The following FGF14 variants were observed in gnomAD, a reference collection of about 807,000 sequenced individuals.
The protein encoded by FGF14 is fibroblast growth factor homologous factor 4.
In FGF14, 5 loss-of-function variants were observed where a neutral mutation model predicts 25.5. The ratio of observed to expected loss-of-function variants is 0.20; its 90% CI spans 0.10 to 0.41. FGF14 has a LOEUF of 0.41. Ranked by LOEUF, FGF14 falls within the 10% of genes least tolerant of loss-of-function variation. The probability of loss-of-function intolerance (pLI) is 1.00; values close to 1 mark genes in which losing one functional copy is unlikely to be tolerated. For missense variants in FGF14, 222 were observed against 320.1 expected, an observed-to-expected ratio of 0.69 and a Z score of 2.34; for synonymous variants, 138 against 118.3, an observed-to-expected ratio of 1.17 and a Z score of -1.08.
intron 1 of FGF14, among the ~76,000 whole-genome samples, chr13:102,208,650 G>T (rs1036056925): frequency 5.3e-5 from 8 of 152,046 alleles, no homozygotes; most frequent in Non-Finnish European, 8.8e-5. Flanking sequence ...TTTATGTTGA[G>T]GTATTTTAAA....
chr13:101,938,575 T>G (rs2035250729), intron 1 of FGF14, among the ~76,000 whole-genome samples: 1 of 152,182 alleles, frequency 6.6e-6, no homozygotes, highest in South Asian at 2.1e-4. Context: ...TTGTAGAAAA[T>G]TAGTATTTAT....
At chr13:102,044,180 C>CT (rs2041872028) in intron 1 of FGF14, among the ~76,000 whole-genome samples, 1 of 152,204 alleles carries the variant, frequency 6.6e-6, no homozygotes, top group African/African-American at 2.4e-5. Flanking sequence ...TGACTGGCCA[C>CT]TGACATCCCC....
intron 3 of FGF14, among the ~76,000 whole-genome samples, chr13:101,768,798 G>A (rs982493266): frequency 6.6e-6 from 1 of 152,186 alleles, no homozygotes; most frequent in Non-Finnish European, 1.5e-5. Flanking sequence ...TAGATCATAC[G>A]TCCTTCATAA....
Position 102,159,193 on chromosome 13 carries a change from T to C in FGF14, c.208+242278A>G, listed in dbSNP as rs916860737. Among the ~76,000 whole-genome samples the C allele has an allele frequency of 4.6e-5, 7 of 151,448 alleles. No homozygotes were observed. In the East Asian group the frequency reaches 1.4e-3, roughly 29 times the overall value. ...GAAAATTCAAGGGGTTCACCTTCTG[T>C]TTTTACATGAACATATGAAAAACTA... On this transcript the variant is annotated intron_variant, in intron 1 of 4. Coordinates refer to the FGF14 transcript ENST00000376131.
chr13:102,229,088 G>T (rs1403817752), intron 1 of FGF14, among the ~76,000 whole-genome samples: 4 of 152,144 alleles, frequency 2.6e-5, no homozygotes, highest in African/African-American at 9.7e-5. Context: ...CAGGGAAGAT[G>T]TCAGAGTCCA....
chr13:101,822,341 T>G (rs545156569), intron 3 of FGF14, among the ~76,000 whole-genome samples: 1 of 152,258 alleles, frequency 6.6e-6, no homozygotes, highest in Admixed American at 6.5e-5. Flanking sequence ...CAATATTAAA[T>G]TTTCCTATAC....
chr13:102,123,020 GATTA>G (rs1236795684), intron 1 of FGF14, among the ~76,000 whole-genome samples: 2 of 152,150 alleles, frequency 1.3e-5, no homozygotes, highest in African/African-American at 2.4e-5. Context: ...CGAGCAATCA[GATTA>G]ATTGAGATTT....
chr13:102,331,415 T>C (rs769038455), intron 1 of FGF14, among the ~76,000 whole-genome samples: 2 of 152,178 alleles, frequency 1.3e-5, no homozygotes, highest in Non-Finnish European at 2.9e-5. Context: ...AGCTTGCATG[T>C]ATTGGTTAAA....
intron 3 of FGF14, among the ~76,000 whole-genome samples, chr13:101,813,014 T>C (rs1044520237): frequency 6.6e-6 from 1 of 152,174 alleles, no homozygotes; most frequent in East Asian, 1.9e-4. Context: ...CCTATACTTT[T>C]GTGCATTTCA....
intron 1 of FGF14, among the ~76,000 whole-genome samples, chr13:102,278,627 A>AATATATATATATATATATATATATAT (rs10578533): frequency 8.1e-5 from 12 of 147,518 alleles, no homozygotes; most frequent in African/African-American, 2.0e-4. Context: ...CATTTTATGT[A>AATATATATATATATATATATATATAT]ATATATATAT....
chr13:101,837,166 ATATG>A (rs1039415141), intron 3 of FGF14, among the ~76,000 whole-genome samples: 21 of 123,638 alleles, frequency 1.7e-4, no homozygotes, highest in African/African-American at 6.8e-4. Flanking sequence ...AGCTGGTACT[ATATG>A]TGTGTGTGTG....
At chr13:101,867,935 C>CAT (rs67164821) in intron 3 of FGF14, among the ~76,000 whole-genome samples, 14 of 125,412 alleles carry the variant, frequency 1.1e-4, no homozygotes, top group Admixed American at 2.7e-4. Context: ...CACACACACA[C>CAT]GCGCACACAC....
chr13:102,275,835 C>T (rs971906452), intron 1 of FGF14, among the ~76,000 whole-genome samples: 2 of 152,080 alleles, frequency 1.3e-5, no homozygotes, highest in Non-Finnish European at 2.9e-5. Context: ...CAAAAAGGAA[C>T]AGTTATTTAA....
At position 101,719,362 on chromosome 13, in the gene FGF14, T is replaced by C. The variant is rs1206597888; in HGVS notation, c.*3469A>G. ...ATTAGAAGAACTGGAGCGGGAGTCC[T>C]TTGGACCCATCGTGGATCTCTTTAA... On this transcript the variant is annotated 3_prime_UTR_variant, in exon 5 of 5. Transcript: ENST00000376143. The C allele has an allele frequency of 1.3e-5, 2 of 152,040 alleles. No homozygotes were observed. The highest frequency in any genetic ancestry group is 2.9e-5 in the Non-Finnish European group (2 of 67,990). 9.4% of individuals were successfully genotyped at this position (152,040 alleles called of 1,614,324 possible).
At position 102,308,380 on chromosome 13, in the gene FGF14, C is replaced by T. The variant is rs932946663; in HGVS notation, c.208+93091G>A. Among the ~76,000 whole-genome samples the T allele has an allele frequency of 9.2e-5, 14 of 152,216 alleles. 1 individual carries two copies. The highest frequency in any genetic ancestry group is 2.4e-4 in the African/African-American group (10 of 41,514). On this transcript the variant is annotated intron_variant, in intron 1 of 4. Coordinates refer to the FGF14 transcript ENST00000376131. ...AGCAGATCAATATAATGAGCATCAA[C>T]GAACATCCAAACAGGTATAATTTCT...
At chr13:102,254,409 A>C (rs1189838584) in intron 1 of FGF14, among the ~76,000 whole-genome samples, 1 of 152,176 alleles carries the variant, frequency 6.6e-6, no homozygotes, top group African/African-American at 2.4e-5. Context: ...GGGCTGAACC[A>C]AGATCCTCAT....
chr13:101,867,108 A>G (rs1263859349), intron 3 of FGF14, among the ~76,000 whole-genome samples: 1 of 152,120 alleles, frequency 6.6e-6, no homozygotes, highest in Non-Finnish European at 1.5e-5. Flanking sequence ...GCACGCAGTG[A>G]CCCTCATGAG....
chr13:102,256,987 C>T (rs2052472647), intron 1 of FGF14, among the ~76,000 whole-genome samples: 4 of 152,076 alleles, frequency 2.6e-5, no homozygotes, highest in South Asian at 2.1e-4. Context: ...GGAATTAACA[C>T]GTTTCTATCT....
At chr13:102,358,868 A>G (rs944335155) in intron 1 of FGF14, among the ~76,000 whole-genome samples, 1 of 152,224 alleles carries the variant, frequency 6.6e-6, no homozygotes, top group Non-Finnish European at 1.5e-5. Context: ...GCCAGCCACA[A>G]GGAAAATGTG....
Sources: allele counts gnomAD v4.1 joint callset (sites outside exome capture counted in the v4.1 genomes callset), GRCh38; gene constraint gnomAD v4.1.1; transcripts MANE v1.5; gene names NCBI Gene and HGNC (gene_info 2026-07-23, HGNC 2026-07-21).